NRBF2: variants seen among roughly 807,000 people sequenced by gnomAD.
The protein encoded by NRBF2 is nuclear receptor-binding factor 2.
A neutral mutation model predicts 28.5 loss-of-function variants in NRBF2; 12 were observed. The observed-to-expected ratio is 0.42, with a 90% CI of 0.27 to 0.68. The LOEUF is 0.68. Ranked by LOEUF, NRBF2 falls within the 30% of genes least tolerant of loss-of-function variation. The pLI, the probability that NRBF2 is intolerant of heterozygous loss-of-function variation, is 0.24. For missense variants in NRBF2, 274 were observed against 333.5 expected (o/e 0.82, Z 1.39); for synonymous variants, 102 against 116.5 (o/e 0.88, Z 0.80).
chr10:63,154,860 A>G lies in NRBF2; in HGVS notation c.*642A>G, dbSNP rs766910237. The stretch of plus-strand genomic sequence containing the variant: ...TTTTTAAAACAAATTACCAGTTTAC[A>G]TAATTAATCAGGGTGCATTTTAAGT... On this transcript the variant is annotated 3_prime_UTR_variant, in exon 4 of 4. Transcript: ENST00000277746. 3.3e-5 allele frequency: 5 copies of G among 152,694 alleles called. No individual in the cohort carries two copies. The highest frequency in any genetic ancestry group is 7.3e-5 in the Non-Finnish European group (5 of 68,048). 9.5% of individuals were successfully genotyped at this position (152,694 alleles called of 1,614,324 possible). A position where few individuals can be genotyped will look rare whatever the true frequency, so the allele number is the denominator to read the frequency against.
intron 2 of NRBF2, among the ~76,000 whole-genome samples, chr10:63,150,958 G>A (rs956991086): frequency 2.0e-5 from 3 of 152,196 alleles, no homozygotes; most frequent in African/African-American, 7.2e-5. Flanking sequence ...GGTAATGCAA[G>A]CAATGGGGAG....
At chr10:63,152,568 A>C (rs184788237) in intron 3 of NRBF2, among the ~76,000 whole-genome samples, 103 of 152,298 alleles carry the variant, frequency 6.8e-4, no homozygotes, top group African/African-American at 2.3e-3. Flanking sequence ...TGTCAAAGAT[A>C]ATTTAAATCT....
At chr10:63,148,250 C>T (rs145778416) in intron 2 of NRBF2, among the ~76,000 whole-genome samples, 72 of 152,276 alleles carry the variant, frequency 4.7e-4, no homozygotes, top group South Asian at 1.0e-3. Flanking sequence ...CAGAAAAATA[C>T]GGCAAACTGT....
intron 2 of NRBF2, among the ~76,000 whole-genome samples, chr10:63,147,445 C>T (rs950423070): frequency 6.6e-6 from 1 of 151,882 alleles, no homozygotes; most frequent in Non-Finnish European, 1.5e-5. Context: ...CTCAGCCTCC[C>T]GAGTAGCTGG....
chr10:63,138,606 C>T (rs938957993), intron 1 of NRBF2, among the ~76,000 whole-genome samples: 1 of 150,654 alleles, frequency 6.6e-6, no homozygotes, highest in African/African-American at 2.4e-5. Flanking sequence ...TAGCCAGGTG[C>T]AGTGGCGGGC....
chr10:63,148,426 G>A (rs986144188), intron 2 of NRBF2, among the ~76,000 whole-genome samples: 1 of 152,172 alleles, frequency 6.6e-6, no homozygotes, highest in Non-Finnish European at 1.5e-5. Flanking sequence ...CTTATAACTG[G>A]TCTTGGAAGG....
chr10:63,142,866 C>T (rs150973486), intron 1 of NRBF2, among the ~76,000 whole-genome samples: 2 of 142,762 alleles, frequency 1.4e-5, no homozygotes, highest in African/African-American at 5.1e-5. Flanking sequence ...CTGCAACCTC[C>T]GCCTTCCAGG....
intron 1 of NRBF2, among the ~76,000 whole-genome samples, chr10:63,134,216 A>T (rs1015100895): frequency 2.0e-5 from 3 of 152,164 alleles, no homozygotes; most frequent in Non-Finnish European, 2.9e-5. Flanking sequence ...TTGTGTTTTA[A>T]GGCGTTTCAG....
intron 2 of NRBF2, among the ~76,000 whole-genome samples, chr10:63,146,703 T>C (rs917365811): frequency 2.0e-5 from 3 of 152,260 alleles, no homozygotes; most frequent in African/African-American, 7.2e-5. Context: ...AACATGCTGA[T>C]AATGCAAAAC....
At chr10:63,151,844 G>T (rs1465586518) in intron 2 of NRBF2, among the ~76,000 whole-genome samples, 1 of 152,112 alleles carries the variant, frequency 6.6e-6, no homozygotes, top group African/African-American at 2.4e-5. Context: ...GTTTGGATAG[G>T]TTCTTGTTTG....
At chr10:63,140,352 TAC>T (rs1841444540) in intron 1 of NRBF2, among the ~76,000 whole-genome samples, 1 of 152,196 alleles carries the variant, frequency 6.6e-6, no homozygotes, top group African/African-American at 2.4e-5. Context: ...GCCTAGGAAG[TAC>T]ACAGAGGTGG....
intron 2 of NRBF2, among the ~76,000 whole-genome samples, chr10:63,149,011 A>G (rs568055636): frequency 6.6e-6 from 1 of 152,370 alleles, no homozygotes; most frequent in South Asian, 2.1e-4. Context: ...GAAACTGGTA[A>G]CATGAAAATG....
intron 1 of NRBF2, among the ~76,000 whole-genome samples, chr10:63,138,902 G>A (rs1196550620): frequency 6.6e-6 from 1 of 152,210 alleles, no homozygotes; most frequent in East Asian, 1.9e-4. Flanking sequence ...GAAAGGGGGA[G>A]TGAGTGAGGT....
rs745847389 is a variant in NRBF2 at position 63,154,363 on chromosome 10, G to A, written c.*145G>A. The A allele has an allele frequency of 3.3e-6, 2 of 603,318 alleles. No homozygotes were observed. Among genetic ancestry groups the A allele is most frequent in the African/African-American group, 1.9e-5 (1 of 53,692 alleles). The allele number at this position is 603,318 out of a possible 1,614,324, so 37.4% of individuals were successfully genotyped here. A position where few individuals can be genotyped will look rare whatever the true frequency, so the allele number is the denominator to read the frequency against. The stretch of plus-strand genomic sequence containing the variant: ...GACTGTGGGAGCAGAGGCATTGCCA[G>A]GACTTGGGAAACAGTCACTGTGAAA... On this transcript the variant is annotated 3_prime_UTR_variant, in exon 4 of 4. Coordinates refer to ENST00000277746, the MANE Select transcript of NRBF2 (RefSeq NM_030759.5).
chr10:63,152,731 C>G (rs1207754476), intron 3 of NRBF2, among the ~76,000 whole-genome samples: 1 of 152,140 alleles, frequency 6.6e-6, no homozygotes, highest in Non-Finnish European at 1.5e-5. Context: ...GCATGGTGGC[C>G]CATGCCTGTA....
At chr10:63,147,682 G>A (rs898669552) in intron 2 of NRBF2, among the ~76,000 whole-genome samples, 11 of 148,036 alleles carry the variant, frequency 7.4e-5, no homozygotes, top group Admixed American at 4.1e-4. Flanking sequence ...AGGTATACAC[G>A]TGCCATGGTG....
intron 1 of NRBF2, 152 bp downstream of exon 1, chr10:63,133,652 G>A (rs1183280664): frequency 2.1e-5 from 14 of 657,580 alleles, no homozygotes; most frequent in Non-Finnish European, 3.5e-5. Flanking sequence ...GGCAGGCCCT[G>A]GCCCAACTGC....
At chr10:63,143,749 ATTTTTT>A (rs35270148) in intron 1 of NRBF2, among the ~76,000 whole-genome samples, 11 of 115,986 alleles carry the variant, frequency 9.5e-5, no homozygotes, top group Middle Eastern at 4.4e-3. Context: ...ACCATGCCCG[ATTTTTT>A]TTTTTTTTTT....
chr10:63,137,719 T>G (rs1841396645), intron 1 of NRBF2, among the ~76,000 whole-genome samples: 1 of 152,190 alleles, frequency 6.6e-6, no homozygotes, highest in Admixed American at 6.5e-5. Flanking sequence ...TCCTTATACC[T>G]ATCCCATTTT....
Sources: allele counts gnomAD v4.1 joint callset (sites outside exome capture counted in the v4.1 genomes callset), GRCh38; gene constraint gnomAD v4.1.1; transcripts MANE v1.5; gene names NCBI Gene and HGNC (gene_info 2026-07-23, HGNC 2026-07-21).